Variants in MTUS2 observed in about 807,000 individuals in gnomAD.
MTUS2 encodes microtubule associated scaffold protein 2, also known as microtubule-associated tumor suppressor candidate 2.
In MTUS2, 40 loss-of-function variants were observed where a neutral mutation model predicts 114.1. The ratio of observed to expected loss-of-function variants is 0.35; its 90% CI spans 0.27 to 0.46. MTUS2 has a LOEUF of 0.46. Among genes scored for constraint, MTUS2 ranks in the 20% least tolerant of loss-of-function variants. The pLI is 1.00. For missense variants in MTUS2, 1,679 were observed against 1,705.4 expected (o/e 0.98, Z 0.27); for synonymous variants, 688 against 672.0 (o/e 1.02, Z -0.37).
At chr13:29,245,273 A>G (rs1896879549) in intron 5 of MTUS2, among the ~76,000 whole-genome samples, 1 of 152,176 alleles carries the variant, frequency 6.6e-6, no homozygotes, top group Non-Finnish European at 1.5e-5. Flanking sequence ...GAAAGCAGAG[A>G]TGGTAAAACT....
chr13:29,209,886 T>A (rs1895353052), intron 5 of MTUS2, among the ~76,000 whole-genome samples: 1 of 152,236 alleles, frequency 6.6e-6, no homozygotes, highest in Admixed American at 6.5e-5. Context: ...TCACTTTAGA[T>A]AACCTGATGA....
At position 29,420,233 on chromosome 13, in the gene MTUS2, AACTT is replaced by A. The variant is rs1164373396; in HGVS notation, c.3118-19745_3118-19742del. 3.0e-4 allele frequency among the ~76,000 whole-genome samples: 45 copies of A among 149,574 alleles called. 1 individual carries two copies. The highest frequency in any genetic ancestry group is 3.2e-4 in the African/African-American group (13 of 40,566). On this transcript the variant is annotated intron_variant, in intron 8 of 15. Transcript: ENST00000612955. ...GCTCTTTTTTCTTCCTTCCTTCCTT[AACTT>A]ACTTTCTTTCTTTCTTTCTTTCTTT... is the stretch of plus-strand genomic sequence containing the variant.
intron 8 of MTUS2, among the ~76,000 whole-genome samples, chr13:29,379,206 C>T (rs906531838): frequency 1.3e-5 from 2 of 152,186 alleles, no homozygotes; most frequent in African/African-American, 4.8e-5. Flanking sequence ...GACTAATACA[C>T]TTCACTTGGA....
intron 2 of MTUS2, among the ~76,000 whole-genome samples, chr13:28,965,706 G>A (rs976625770): frequency 6.6e-6 from 1 of 152,148 alleles, no homozygotes; most frequent in Non-Finnish European, 1.5e-5. Flanking sequence ...CTGCAGGGTA[G>A]GTGAGCAGGT....
At chr13:29,128,281 A>G (rs923756013) in intron 5 of MTUS2, among the ~76,000 whole-genome samples, 4 of 152,188 alleles carry the variant, frequency 2.6e-5, no homozygotes. Context: ...ATAATGTTCA[A>G]TGAGGAGTGA....
Position 29,389,541 on chromosome 13 carries a change from GTATA to G in MTUS2, c.3117+30070_3117+30073del, listed in dbSNP as rs1350796005. Among the ~76,000 whole-genome samples, 33 of 113,204 alleles carry G rather than the reference GTATA, an allele frequency of 2.9e-4. 5 individuals carry two copies. The highest frequency in any genetic ancestry group is 1.2e-3 in the African/African-American group (28 of 23,886). 74.3% of individuals were successfully genotyped at this position (113,204 alleles called of 152,430 possible). ...TATGTGTATATATGTATACACGTGT[GTATA>G]TGTATACACGTGTGTATATGTGTAC... is the stretch of plus-strand genomic sequence containing the variant. On this transcript the variant is annotated intron_variant, in intron 8 of 15. Transcript: ENST00000612955.
At chr13:28,854,363 C>T (rs1338094530) in intron 2 of MTUS2, among the ~76,000 whole-genome samples, 1 of 152,150 alleles carries the variant, frequency 6.6e-6, no homozygotes, top group African/African-American at 2.4e-5. Flanking sequence ...CAAACTTGGC[C>T]TTGGGCAGCT....
chr13:29,299,557 A>C (rs546173317), intron 6 of MTUS2, among the ~76,000 whole-genome samples: 16 of 152,166 alleles, frequency 1.1e-4, no homozygotes, highest in African/African-American at 3.9e-4. Flanking sequence ...TGTGAAAGGG[A>C]AATGAGTGTC....
Position 29,480,311 on chromosome 13 carries a change from CA to C in MTUS2, c.3347del (p.Gln1116ArgfsTer9). On this transcript the variant is annotated frameshift_variant, in exon 10 of 16. Transcript: ENST00000612955. LOFTEE classifies it high-confidence loss of function. The surrounding 1 kb of genome is among the most constrained non-coding windows in gnomAD (Gnocchi z 4.4). Reference sequence around the variant, plus strand: ...ATTCGAGGCGGAAATGGCGCGCCTGCAGGAGGAGCACGGTGACCAGCTGCTG... The same window carrying C: ...ATTCGAGGCGGAAATGGCGCGCCTGCGGAGGAGCACGGTGACCAGCTGCTG... ...LQFEAEMARL[Q>X]EEHGDQLLSI... 6.4e-7 allele frequency: 1 copy of C among 1,556,122 alleles called. No individual in the cohort carries two copies. Among genetic ancestry groups the C allele is most frequent in the Non-Finnish European group, 8.7e-7 (1 of 1,150,174 alleles).
intron 4 of MTUS2, 35 bp downstream of exon 4, chr13:29,034,160 G>GAAACT (rs754794899): frequency 6.2e-6 from 10 of 1,612,278 alleles, no homozygotes; most frequent in Non-Finnish European, 8.5e-6. Flanking sequence ...TTTTCCTGCT[G>GAAACT]TACGTTTAGA....
In MTUS2 at chr13:28,930,169, A is replaced by G. The variant is rs367600635; in HGVS notation, c.-243+90319A>G. On this transcript the variant is annotated intron_variant, in intron 2 of 15. Transcript: ENST00000612955. ...TCAGAATTATTCTTTAGCCTCACAT[A>G]GTAAAATTAGGTATGCTCATAATCA... is the stretch of plus-strand genomic sequence containing the variant. Among the ~76,000 whole-genome samples the G allele has an allele frequency of 3.1e-4, 47 of 152,352 alleles. No homozygotes were observed. In the East Asian group the frequency reaches 6.6e-3, roughly 21 times the overall value.
intron 4 of MTUS2, among the ~76,000 whole-genome samples, chr13:29,064,906 C>G (rs1383398272): frequency 6.6e-6 from 1 of 152,190 alleles, no homozygotes; most frequent in Non-Finnish European, 1.5e-5. Context: ...TGTTAGTTTG[C>G]TAAGGAGAGT....
intron 8 of MTUS2, among the ~76,000 whole-genome samples, chr13:29,425,358 A>G (rs1370603314): frequency 2.0e-5 from 3 of 152,152 alleles, no homozygotes; most frequent in African/African-American, 7.2e-5. Flanking sequence ...TTAAGCTGAG[A>G]TGGCACCACT....
intron 2 of MTUS2, among the ~76,000 whole-genome samples, chr13:28,894,626 A>C (rs1380951635): frequency 6.6e-6 from 1 of 152,238 alleles, no homozygotes; most frequent in Non-Finnish European, 1.5e-5. Flanking sequence ...CTGAGGGTTT[A>C]AGGTCATGTG....
In MTUS2 at chr13:29,202,488, C is replaced by T. The variant is rs117053224; in HGVS notation, c.2645-79216C>T. ...CTCATAGGACATTGGTATTACACAC[C>T]TTCTGAAGCCTCCTTCTGTTGGTTT... On this transcript the variant is annotated intron_variant, in intron 5 of 15. Coordinates refer to ENST00000612955, the MANE Select transcript of MTUS2 (RefSeq NM_001033602.4). Among the ~76,000 whole-genome samples, 1,089 of 152,208 alleles carry T rather than the reference C, an allele frequency of 7.2e-3. 21 individuals carry two copies. Among genetic ancestry groups the T allele is most frequent in the East Asian group, 0.066 (344 of 5,176 alleles).
rs1882961632 is a variant in MTUS2, at chr13:28,954,381, G to A, written c.-242-70076G>A. Among the ~76,000 whole-genome samples, 4 of 152,262 alleles carry A rather than the reference G, an allele frequency of 2.6e-5. No individual in the cohort carries two copies. In the South Asian group the frequency reaches 8.3e-4, roughly 32 times the overall value. ...TTCTTAATTTCAAGGCACTACAGATGACACAGATGGTACAAGATTAATTAC... is the reference window on the plus strand; with the variant it reads ...TTCTTAATTTCAAGGCACTACAGATAACACAGATGGTACAAGATTAATTAC... On this transcript the variant is annotated intron_variant, in intron 2 of 15. Coordinates refer to ENST00000612955, the MANE Select transcript of MTUS2 (RefSeq NM_001033602.4).
chr13:28,932,520 G>T (rs1881672786), intron 2 of MTUS2, among the ~76,000 whole-genome samples: 1 of 152,132 alleles, frequency 6.6e-6, no homozygotes, highest in Non-Finnish European at 1.5e-5. Flanking sequence ...TTCTACTTGT[G>T]TGCCTGGGCT....
chr13:29,057,264 G>C (rs763669100), intron 4 of MTUS2, among the ~76,000 whole-genome samples: 1 of 152,012 alleles, frequency 6.6e-6, no homozygotes, highest in Non-Finnish European at 1.5e-5. Flanking sequence ...AGAGAAGATT[G>C]TATGTTGTGT....
chr13:29,106,372 CT>C (rs1890667977), intron 5 of MTUS2, among the ~76,000 whole-genome samples: 1 of 152,188 alleles, frequency 6.6e-6, no homozygotes, highest in South Asian at 2.1e-4. Context: ...GTCATGCCTG[CT>C]GATTTTTTGG....
Sources: gnomAD v4.1 joint callset for allele counts (sites outside exome capture counted in the v4.1 genomes callset) on GRCh38, gnomAD v4.1.1 for gene constraint, Gnocchi (gnomAD v3.1) non-coding constraint, MANE v1.5 for transcripts, NCBI Gene and HGNC (gene_info 2026-07-23, HGNC 2026-07-21) for gene names.